The following ASIC2 variants were observed in gnomAD, a reference collection of about 807,000 sequenced individuals.
ASIC2 encodes the protein acid sensing ion channel subunit 2.
A neutral mutation model predicts 57.3 loss-of-function variants in ASIC2; 25 were observed. The observed-to-expected ratio is 0.44, with a 90% CI of 0.32 to 0.61. The LOEUF (loss-of-function observed/expected upper bound fraction) is 0.61, where lower values mean the gene tolerates loss of function less well. ASIC2 is among the 20% of genes least tolerant of loss of function. The pLI is 0.06. For synonymous variants in ASIC2, 319 were observed against 307.5 expected, an observed-to-expected ratio of 1.04 and a Z score of -0.39; for missense variants, 641 against 738.1, an observed-to-expected ratio of 0.87 and a Z score of 1.52.
At chr17:33,554,512 G>T (rs2141979279) in intron 1 of ASIC2, among the ~76,000 whole-genome samples, 1 of 152,246 alleles carries the variant, frequency 6.6e-6, no homozygotes, top group South Asian at 2.1e-4. Flanking sequence ...TTCAAGATGT[G>T]GGAAGAGCAC....
chr17:33,783,590 C>T (rs1911520137), intron 1 of ASIC2, among the ~76,000 whole-genome samples: 1 of 152,240 alleles, frequency 6.6e-6, no homozygotes, highest in Non-Finnish European at 1.5e-5. Context: ...GGTAGATGAA[C>T]ACTTAGGTGG....
chr17:33,849,190 T>C (rs538675915), intron 1 of ASIC2, among the ~76,000 whole-genome samples: 1 of 152,186 alleles, frequency 6.6e-6, no homozygotes, highest in African/African-American at 2.4e-5. Flanking sequence ...TGAGATCCTG[T>C]GCTGAGTCCC....
intron 2 of ASIC2, among the ~76,000 whole-genome samples, chr17:33,096,273 C>T (rs2092179150): frequency 6.6e-6 from 1 of 152,218 alleles, no homozygotes; most frequent in Non-Finnish European, 1.5e-5. Context: ...GCTGGAGCCT[C>T]ACAGCAGTCC....
rs184089184 is a variant in ASIC2, at chr17:33,585,537, G to T, written c.556-473470C>A. Among the ~76,000 whole-genome samples, 185 of 152,304 alleles carry T rather than the reference G, an allele frequency of 1.2e-3. 1 individual carries two copies. The highest frequency in any genetic ancestry group is 5.8e-4 in the East Asian group (3 of 5,180). Reference sequence around the variant, plus strand: ...CCAGAGTGGAGAAAGGACTGTTTTTGTGATTACCACAGAGGCAAGCAGGGA... The same window carrying T: ...CCAGAGTGGAGAAAGGACTGTTTTTTTGATTACCACAGAGGCAAGCAGGGA... On this transcript the variant is annotated intron_variant, in intron 1 of 9. Transcript: ENST00000359872.
At chr17:33,841,673 A>T (rs1306704533) in intron 1 of ASIC2, among the ~76,000 whole-genome samples, 1 of 152,236 alleles carries the variant, frequency 6.6e-6, no homozygotes, top group Non-Finnish European at 1.5e-5. Context: ...GGTTATCTTC[A>T]GGGACAGAAG....
chr17:33,210,717 GA>G (rs1671355440), intron 1 of ASIC2, among the ~76,000 whole-genome samples: 1 of 152,194 alleles, frequency 6.6e-6, no homozygotes, highest in African/African-American at 2.4e-5. Context: ...CCCTCCAAAG[GA>G]AAGCCTCACC....
intron 1 of ASIC2, among the ~76,000 whole-genome samples, chr17:33,553,488 TTATTAC>T (rs1292833143): frequency 5.0e-5 from 7 of 140,012 alleles, no homozygotes; most frequent in Non-Finnish European, 1.0e-4. Flanking sequence ...AGATCCTTTA[TTATTAC>T]TATTATTATT....
intron 1 of ASIC2, among the ~76,000 whole-genome samples, chr17:33,386,630 C>T (rs1385636004): frequency 1.3e-5 from 2 of 152,208 alleles, no homozygotes; most frequent in Non-Finnish European, 2.9e-5. Flanking sequence ...CCACATCATT[C>T]TCCAACCAGG....
intron 1 of ASIC2, among the ~76,000 whole-genome samples, chr17:33,796,185 AG>A (rs1911915003): frequency 6.6e-6 from 1 of 152,300 alleles, no homozygotes; most frequent in Non-Finnish European, 1.5e-5. Context: ...CAATGTGTTT[AG>A]TACATACTTT....
intron 1 of ASIC2, among the ~76,000 whole-genome samples, chr17:34,152,686 C>T (rs906765216): frequency 6.6e-5 from 10 of 152,314 alleles, no homozygotes; most frequent in African/African-American, 2.4e-4. Context: ...ATATTACTAT[C>T]ACATGTTAGA....
At chr17:33,014,876 G>T (rs552867651) in intron 9 of ASIC2, among the ~76,000 whole-genome samples, 80 of 152,172 alleles carry the variant, frequency 5.3e-4, no homozygotes, top group Middle Eastern at 3.2e-3. Flanking sequence ...TGCTTTGCCG[G>T]CAGGATCTCA....
intron 1 of ASIC2, among the ~76,000 whole-genome samples, chr17:34,122,693 T>A (rs1357443877): frequency 1.3e-5 from 2 of 152,200 alleles, no homozygotes; most frequent in Non-Finnish European, 2.9e-5. Context: ...CAGTGTGTAG[T>A]GGTGAACAGA....
intron 1 of ASIC2, among the ~76,000 whole-genome samples, chr17:33,763,121 C>T (rs1342060321): frequency 1.3e-5 from 2 of 152,166 alleles, no homozygotes; most frequent in Non-Finnish European, 2.9e-5. Context: ...AACCATGCTG[C>T]CCCCAGCTTC....
rs1479243716 is a variant in ASIC2 at position 33,703,091 on chromosome 17, A to T, written c.555+452887T>A. Among the ~76,000 whole-genome samples, 3 of 152,194 alleles carry T rather than the reference A, an allele frequency of 2.0e-5. No individual in the cohort carries two copies. In the East Asian group the frequency reaches 5.8e-4, roughly 29 times the overall value. ...AGTACAAAGGAGGCAAGCATGAAAA[A>T]AATCTGGAGAAAAATATTCCAGGCA... On this transcript the variant is annotated intron_variant, in intron 1 of 9. Coordinates refer to the ASIC2 transcript ENST00000359872.
intron 1 of ASIC2, chr17:34,005,159 T>C (rs1013284113): frequency 5.3e-5 from 8 of 151,798 alleles, no homozygotes; most frequent in Non-Finnish European, 8.8e-5. Flanking sequence ...CCAACATCCT[T>C]TACCTAACCT....
chr17:33,118,049 A>G (rs1206163832), intron 1 of ASIC2, among the ~76,000 whole-genome samples: 2 of 152,184 alleles, frequency 1.3e-5, no homozygotes, highest in African/African-American at 4.8e-5. Flanking sequence ...GGGGCCAAGG[A>G]GTTCTGTAGA....
At chr17:33,435,303 G>A (rs1340876563) in intron 1 of ASIC2, among the ~76,000 whole-genome samples, 3 of 152,076 alleles carry the variant, frequency 2.0e-5, no homozygotes, top group East Asian at 1.9e-4. Flanking sequence ...TCAGGTCTGA[G>A]GCCAGAAATG....
chr17:33,290,594 C>T (rs1221816275), intron 1 of ASIC2: 4 of 152,248 alleles, frequency 2.6e-5, no homozygotes. Flanking sequence ...TTCTCCTGGC[C>T]GCGGCTGTTT....
At chr17:33,616,605 GTTAATAAC>G (rs1905612365) in intron 1 of ASIC2, among the ~76,000 whole-genome samples, 2 of 152,300 alleles carry the variant, frequency 1.3e-5, no homozygotes, top group Non-Finnish European at 2.9e-5. Flanking sequence ...TGTAGTTTCA[GTTAATAAC>G]TGGACATGCT....
Sources: gnomAD v4.1 joint callset for allele counts (sites outside exome capture counted in the v4.1 genomes callset) on GRCh38, gnomAD v4.1.1 for gene constraint, MANE v1.5 for transcripts, NCBI Gene and HGNC (gene_info 2026-07-23, HGNC 2026-07-21) for gene names.